The following ACTL6B variants were observed in gnomAD, a reference collection of about 807,000 sequenced individuals.
ACTL6B encodes actin-like protein 6B.
ACTL6B carries 48 observed loss-of-function variants against 63.3 expected under a neutral mutation model. That is an observed-to-expected ratio of 0.76 (90% CI 0.60 to 0.96). The LOEUF is 0.96. Ranked by LOEUF, ACTL6B falls within the 50% of genes least tolerant of loss-of-function variation. The pLI is 0.00. For synonymous variants in ACTL6B, 230 were observed against 223.8 expected (o/e 1.03, Z -0.25); for missense variants, 350 against 572.2 (o/e 0.61, Z 3.96).
chr7:100,647,334 C>T lies in ACTL6B; in HGVS notation c.760-50G>A. The T allele has an allele frequency of 6.2e-7, 1 of 1,605,642 alleles. No individual in the cohort carries two copies. Among genetic ancestry groups the T allele is most frequent in the South Asian group, 1.1e-5 (1 of 90,892 alleles). The stretch of plus-strand genomic sequence containing the variant: ...GGGCCTGCCTTCCCCGTGAGCAGCA[C>T]CCCCTGCCCCGCTCCCCCTCCCTGC... On this transcript the variant is annotated intron_variant, in intron 8 of 13. Coordinates refer to ENST00000160382, the MANE Select transcript of ACTL6B (RefSeq NM_016188.5). The surrounding 1 kb of genome is among the most constrained non-coding windows in gnomAD (Gnocchi z 4.4).
intron 4 of ACTL6B, among the ~76,000 whole-genome samples, chr7:100,653,226 C>T (rs1248280728): frequency 6.6e-6 from 1 of 151,752 alleles, no homozygotes; most frequent in East Asian, 1.9e-4. Flanking sequence ...GTAGAAGGAT[C>T]GCTTAAGCAC....
chr7:100,655,229 C>T lies in ACTL6B; in HGVS notation c.269-110G>A. On this transcript the variant is annotated intron_variant, in intron 3 of 13. Transcript: ENST00000160382. The surrounding 1 kb of genome is among the most constrained non-coding windows in gnomAD (Gnocchi z 4.4). ...CCCAAAGGAGGGTCAGTGAGTCCAG[C>T]TCCAGGGGAACGCCCCCCTTCCCAG... is the stretch of plus-strand genomic sequence containing the variant. 2 of 1,192,082 alleles carry T rather than the reference C, an allele frequency of 1.7e-6. No homozygotes were observed. Among genetic ancestry groups the T allele is most frequent in the Admixed American group, 3.9e-5 (2 of 51,678 alleles). 73.8% of individuals were successfully genotyped at this position (1,192,082 alleles called of 1,614,324 possible). A position where few individuals can be genotyped will look rare whatever the true frequency, so the allele number is the denominator to read the frequency against.
chr7:100,655,488 G>C lies in ACTL6B; in HGVS notation c.201C>G (p.Ile67Met). 6.2e-7 allele frequency: 1 copy of C among 1,614,182 alleles called. No homozygotes were observed. The highest frequency in any genetic ancestry group is 8.5e-7 in the Non-Finnish European group (1 of 1,180,030). The change falls in exon 3 of 14, where the codon ATC (isoleucine) becomes ATG (methionine). Residue 67 changes from isoleucine to methionine, a missense_variant. Ile to Met is a conservative substitution (Grantham distance 10). Around this residue, in one of 3 missense-constraint regions of ACTL6B, gnomAD observed 250 missense variants for 364.7 expected, o/e 0.69. Coordinates refer to ENST00000160382, the MANE Select transcript of ACTL6B (RefSeq NM_016188.5). This position sits in a 1 kb window ranked among gnomAD's most constrained non-coding sequence, Gnocchi z 4.4. ...DKEKKGKIFH[I>M]DTNALHVPRD... ...GAGGCACGTGCAGGGCATTGGTGTC[G>C]ATGTGGAAGATCTTCCCTTTCTTCT...
In ACTL6B at chr7:100,648,869, G is replaced by A; in HGVS notation, c.468-46C>T. On this transcript the variant is annotated intron_variant, in intron 5 of 13. Coordinates refer to ENST00000160382, the MANE Select transcript of ACTL6B (RefSeq NM_016188.5). This position sits in a 1 kb window ranked among gnomAD's most constrained non-coding sequence, Gnocchi z 4.4. ...CAAAGAGACAGCAGCAGCAAGTGAG[G>A]GGCCTGGGCCCAGATCTTGTCTGGT... 1.3e-6 allele frequency: 2 copies of A among 1,570,682 alleles called. No individual in the cohort carries two copies. The highest frequency in any genetic ancestry group is 1.1e-5 in the South Asian group (1 of 87,034).
At chr7:100,644,147 G>T (rs888829973) in intron 13 of ACTL6B, among the ~76,000 whole-genome samples, 1 of 152,062 alleles carries the variant, frequency 6.6e-6, no homozygotes, top group Non-Finnish European at 1.5e-5. Context: ...TGATCCGCCC[G>T]CCTCGGCCTC....
chr7:100,655,563 C>G lies in ACTL6B; in HGVS notation c.126G>C (p.Gly42=). The G allele has an allele frequency of 1.9e-6, 3 of 1,613,356 alleles. No homozygotes were observed. Among genetic ancestry groups the G allele is most frequent in the Non-Finnish European group, 1.7e-6 (2 of 1,179,620 alleles). The change falls in exon 3 of 14, where the codon GGG becomes GGC. Residue 42 remains glycine (G), a synonymous_variant. Coordinates refer to ENST00000160382, the MANE Select transcript of ACTL6B (RefSeq NM_016188.5). The surrounding 1 kb of genome is among the most constrained non-coding windows in gnomAD (Gnocchi z 4.4). Reference sequence around the variant, plus strand: ...CGCCCCCCTCCTCCGCGGCCAGCAGCCCCACTGTGGTGGGGAAGTCAGCCT... The same window carrying G: ...CGCCCCCCTCCTCCGCGGCCAGCAGGCCCACTGTGGTGGGGAAGTCAGCCT... ...CPKADFPTTV[G]LLAAEEGGGL... is the part of the protein sequence containing the mutation.
rs1803874303 is a variant in ACTL6B, at chr7:100,648,795, C to T, written c.496G>A (p.Val166Met). The T allele has an allele frequency of 3.7e-6, 6 of 1,613,962 alleles. No individual in the cohort carries two copies. The highest frequency in any genetic ancestry group is 4.2e-6 in the Non-Finnish European group (5 of 1,179,976). ...GTGTGGGTGGCTCCACTGTCCAGCACGAGGCCAGTGGACCGCCCGTTTGCA... is the reference window on the plus strand; with the variant it reads ...GTGTGGGTGGCTCCACTGTCCAGCATGAGGCCAGTGGACCGCCCGTTTGCA... ...AFANGRSTGLVLDSGATHTTA... is the reference protein window; with the variant it reads ...AFANGRSTGLMLDSGATHTTA... The change falls in exon 6 of 14, where the codon GTG (valine) becomes ATG (methionine). Residue 166 changes from valine (V) to methionine (M), a missense_variant. Coordinates refer to ENST00000160382, the MANE Select transcript of ACTL6B (RefSeq NM_016188.5). This position sits in a 1 kb window ranked among gnomAD's most constrained non-coding sequence, Gnocchi z 4.4.
intron 4 of ACTL6B, among the ~76,000 whole-genome samples, chr7:100,654,267 C>A (rs538066168): frequency 6.6e-6 from 1 of 151,308 alleles, no homozygotes; most frequent in Non-Finnish European, 1.5e-5. Context: ...CCACCACACC[C>A]GGCAAAAAAT....
At position 100,649,862 on chromosome 7, in the gene ACTL6B, C is replaced by T. The variant is rs546521714; in HGVS notation, c.467+176G>A. ...GCCGCTGATCTGGCCACCCCAGAGT[C>T]GGAGGTGCTCAGTCCACTGGGCCTT... On this transcript the variant is annotated intron_variant, in intron 5 of 13. Transcript: ENST00000160382. 107 of 578,126 alleles carry T rather than the reference C, an allele frequency of 1.9e-4. 1 individual carries two copies. In the South Asian group the frequency reaches 2.0e-3, roughly 11 times the overall value. The allele number at this position is 578,126 out of a possible 1,614,324, so 35.8% of individuals were successfully genotyped here. A position where few individuals can be genotyped will look rare whatever the true frequency, so the allele number is the denominator to read the frequency against.
Position 100,655,399 on chromosome 7 carries a change from G to T in ACTL6B, c.268+22C>A. On this transcript the variant is annotated intron_variant, in intron 3 of 13. Coordinates refer to ENST00000160382, the MANE Select transcript of ACTL6B (RefSeq NM_016188.5). The surrounding 1 kb of genome is among the most constrained non-coding windows in gnomAD (Gnocchi z 4.4). The stretch of plus-strand genomic sequence containing the variant: ...GAGCGGGCTCCTTTTCTGTCAGGAG[G>T]TGATGGGTGGGGGCCCCTTACTCAT... The T allele has an allele frequency of 1.2e-6, 2 of 1,610,782 alleles. No homozygotes were observed. Among genetic ancestry groups the T allele is most frequent in the Non-Finnish European group, 1.7e-6 (2 of 1,178,238 alleles).
chr7:100,643,812 C>T (rs921742373), intron 13 of ACTL6B, among the ~76,000 whole-genome samples: 1 of 152,246 alleles, frequency 6.6e-6, no homozygotes, highest in Non-Finnish European at 1.5e-5. Context: ...TTCGGCATTA[C>T]AACTTGCCCC....
rs1803854817 is a variant in ACTL6B, at chr7:100,647,938, T to TG, written c.670-406_670-405insC. On this transcript the variant is annotated intron_variant, in intron 7 of 13. Coordinates refer to ENST00000160382, the MANE Select transcript of ACTL6B (RefSeq NM_016188.5). This position sits in a 1 kb window ranked among gnomAD's most constrained non-coding sequence, Gnocchi z 4.4. ...ACCTGAGGCCCAGGGAGCTTTGATA[T>TG]CATGCTGTTGGTCACACAGCTCTTT... 6.6e-6 allele frequency among the ~76,000 whole-genome samples: 1 copy of TG among 150,874 alleles called. No homozygotes were observed. Among genetic ancestry groups the TG allele is most frequent in the African/African-American group, 2.4e-5 (1 of 41,070 alleles).
intron 13 of ACTL6B, among the ~76,000 whole-genome samples, chr7:100,643,761 C>G (rs538852317): frequency 1.3e-5 from 2 of 152,288 alleles, no homozygotes; most frequent in South Asian, 4.1e-4. Flanking sequence ...GATATTCCCT[C>G]CACCTCACCA....
chr7:100,647,636 C>G lies in ACTL6B; in HGVS notation c.670-103G>C. 2 of 831,364 alleles carry G rather than the reference C, an allele frequency of 2.4e-6. No individual in the cohort carries two copies. Among genetic ancestry groups the G allele is most frequent in the Admixed American group, 2.6e-5 (1 of 38,386 alleles). 51.5% of individuals were successfully genotyped at this position (831,364 alleles called of 1,614,324 possible). ...CTCTGCAGCTACCTGGCGCTGCAGG[C>G]TCTGCTGTGCTGCCTGCAAGAGGGG... On this transcript the variant is annotated intron_variant, in intron 7 of 13. Transcript: ENST00000160382. This position sits in a 1 kb window ranked among gnomAD's most constrained non-coding sequence, Gnocchi z 4.4.
chr7:100,644,191 C>A (rs369542161), intron 13 of ACTL6B, among the ~76,000 whole-genome samples: 1 of 152,154 alleles, frequency 6.6e-6, no homozygotes, highest in East Asian at 1.9e-4. Context: ...TGAGCCACCG[C>A]GCCCAGCCTA....
intron 4 of ACTL6B, among the ~76,000 whole-genome samples, chr7:100,651,428 G>A (rs188610571): frequency 1.8e-4 from 27 of 151,916 alleles, no homozygotes; most frequent in African/African-American, 6.3e-4. Context: ...GGAGGTGCCT[G>A]TAATCCCAGC....
rs188618431 is a variant in ACTL6B at position 100,644,861 on chromosome 7, G to A, written c.1200+1388C>T. 8.3e-3 allele frequency among the ~76,000 whole-genome samples: 1,266 copies of A among 152,198 alleles called. 16 individuals carry two copies. Among genetic ancestry groups the A allele is most frequent in the Non-Finnish European group, 0.01 (688 of 68,016 alleles). ...ACTTGAGGTCAGGAGTTTGAGACAA[G>A]CTTAGCCAACACGGTGAAACCCCAT... is the stretch of plus-strand genomic sequence containing the variant. On this transcript the variant is annotated intron_variant, in intron 13 of 13. Transcript: ENST00000160382.
intron 13 of ACTL6B, among the ~76,000 whole-genome samples, chr7:100,645,883 C>T (rs978343792): frequency 7.9e-5 from 12 of 152,168 alleles, no homozygotes; most frequent in Middle Eastern, 3.2e-3. Flanking sequence ...CCACCCGTCT[C>T]GGCCTCCCAA....
chr7:100,648,864 G>C lies in ACTL6B; in HGVS notation c.468-41C>G. The stretch of plus-strand genomic sequence containing the variant: ...TAAGTCAAAGAGACAGCAGCAGCAA[G>C]TGAGGGGCCTGGGCCCAGATCTTGT... On this transcript the variant is annotated intron_variant, in intron 5 of 13. Transcript: ENST00000160382. This position sits in a 1 kb window ranked among gnomAD's most constrained non-coding sequence, Gnocchi z 4.4. The C allele has an allele frequency of 1.3e-6, 2 of 1,583,882 alleles. No homozygotes were observed. Among genetic ancestry groups the C allele is most frequent in the Non-Finnish European group, 1.7e-6 (2 of 1,163,290 alleles).
Sources: allele counts gnomAD v4.1 joint callset (sites outside exome capture counted in the v4.1 genomes callset), GRCh38; gene constraint gnomAD v4.1.1; regional missense constraint gnomAD v4.1.1; non-coding constraint Gnocchi (gnomAD v3.1); transcripts MANE v1.5; gene names NCBI Gene and HGNC (gene_info 2026-07-23, HGNC 2026-07-21).